Variants in DNAH9 observed in about 807,000 individuals in gnomAD.
DNAH9 encodes DNAH9 variant protein.
A neutral mutation model predicts 471.6 loss-of-function variants in DNAH9; 345 were observed. That is an observed-to-expected ratio of 0.73 (90% CI 0.67 to 0.80). The LOEUF (loss-of-function observed/expected upper bound fraction) is 0.80. Ranked by LOEUF, DNAH9 falls within the 30% of genes least tolerant of loss-of-function variation. DNAH9 has a pLI of 0.00. For missense variants in DNAH9, 5,407 were observed against 5,609.2 expected (o/e 0.96, Z 1.15); for synonymous variants, 2,093 against 2,123.6 (o/e 0.99, Z 0.40).
intron 59 of DNAH9, among the ~76,000 whole-genome samples, chr17:11,894,745 G>A (rs1354409347): frequency 1.3e-5 from 2 of 152,176 alleles, no homozygotes; most frequent in Admixed American, 1.3e-4. Flanking sequence ...AAGTTCCTGT[G>A]AGCTCCCCTA....
At chr17:11,613,929 T>C (rs897229950) in intron 4 of DNAH9, among the ~76,000 whole-genome samples, 3 of 152,240 alleles carry the variant, frequency 2.0e-5, no homozygotes, top group Non-Finnish European at 4.4e-5. Context: ...TAATTATTCA[T>C]ATGAATTAAT....
intron 35 of DNAH9, among the ~76,000 whole-genome samples, chr17:11,758,838 T>C (rs1166540479): frequency 6.6e-6 from 1 of 152,240 alleles, no homozygotes; most frequent in Non-Finnish European, 1.5e-5. Flanking sequence ...TTTGATTTCA[T>C]AGTTTTTCTA....
At chr17:11,700,263 C>A (rs1402786549) in intron 23 of DNAH9, among the ~76,000 whole-genome samples, 1 of 152,178 alleles carries the variant, frequency 6.6e-6, no homozygotes, top group Non-Finnish European at 1.5e-5. Flanking sequence ...CTGACACCCT[C>A]CCTGGGAGAA....
chr17:11,773,731 G>A (rs1439108387), intron 38 of DNAH9, among the ~76,000 whole-genome samples: 1 of 152,196 alleles, frequency 6.6e-6, no homozygotes, highest in Non-Finnish European at 1.5e-5. Flanking sequence ...TTTCAAACAT[G>A]TACAAAAGTA....
At position 11,880,162 on chromosome 17, in the gene DNAH9, G is replaced by C; in HGVS notation, c.10563G>C (p.Leu3521=). The change falls in exon 54 of 69, where the codon CTG becomes CTC. Residue 3521 remains leucine, a synonymous_variant. Coordinates refer to ENST00000262442, the MANE Select transcript of DNAH9 (RefSeq NM_001372.4). The stretch of plus-strand genomic sequence containing the variant: ...TAGAGGAGTCCATTGATCCTGTTCT[G>C]GGACCCCTGCTTGGGAGAGAAGTCA... ...ENLEESIDPV[L]GPLLGREVIK... is the part of the protein sequence containing the mutation. The C allele has an allele frequency of 1.9e-6, 3 of 1,613,938 alleles. No homozygotes were observed. Among genetic ancestry groups the C allele is most frequent in the Non-Finnish European group, 2.5e-6 (3 of 1,179,894 alleles).
intron 28 of DNAH9, among the ~76,000 whole-genome samples, chr17:11,731,346 G>A (rs1208644808): frequency 2.6e-5 from 4 of 151,640 alleles, no homozygotes; most frequent in African/African-American, 7.3e-5. Flanking sequence ...TAGAAGCCGG[G>A]ATACACAGGG....
chr17:11,816,563 AT>A lies in DNAH9; in HGVS notation c.8708-5348del, dbSNP rs1372854861. Among the ~76,000 whole-genome samples, 8 of 152,038 alleles carry A rather than the reference AT, an allele frequency of 5.3e-5. No individual in the cohort carries two copies. In the East Asian group the frequency reaches 1.2e-3, roughly 22 times the overall value. On this transcript the variant is annotated intron_variant, in intron 45 of 68. Coordinates refer to ENST00000262442, the MANE Select transcript of DNAH9 (RefSeq NM_001372.4). ...CGTTTTCTCCTTTAAGAATAGGGAA[AT>A]TTTTTTTTAAACTATCAGGTCTAGA...
At chr17:11,899,691 G>A (rs550353515) in intron 59 of DNAH9, among the ~76,000 whole-genome samples, 47 of 152,176 alleles carry the variant, frequency 3.1e-4, no homozygotes, top group Non-Finnish European at 6.3e-4. Context: ...GACTGCAGAA[G>A]GGTTAATAAT....
chr17:11,924,616 CTTTTTT>C (rs756191140), intron 62 of DNAH9, among the ~76,000 whole-genome samples: 1 of 91,956 alleles, frequency 1.1e-5, no homozygotes, highest in Non-Finnish European at 2.0e-5. Context: ...ACTACTAACT[CTTTTTT>C]TTTTTTTTTT....
At chr17:11,642,167 G>A (rs1440402911) in intron 10 of DNAH9, among the ~76,000 whole-genome samples, 2 of 152,158 alleles carry the variant, frequency 1.3e-5, no homozygotes, top group Non-Finnish European at 2.9e-5. Context: ...CTGGTCCCAA[G>A]AGGCGATCTG....
rs1193246497 is a variant in DNAH9 at position 11,762,770 on chromosome 17, G to GTTTGTTTT, written c.6996-667_6996-666insGTTTTTTT. On this transcript the variant is annotated intron_variant, in intron 35 of 68. Transcript: ENST00000262442. The stretch of plus-strand genomic sequence containing the variant: ...CCTCTTTAGGTGCGTTTTTTTTTTT[G>GTTTGTTTT]TTTTTTTTTTTTTTTTTTTTTTTTT... Among the ~76,000 whole-genome samples, 214 of 90,774 alleles carry GTTTGTTTT rather than the reference G, an allele frequency of 2.4e-3. 19 individuals carry two copies. Among genetic ancestry groups the GTTTGTTTT allele is most frequent in the Middle Eastern group, 7.1e-3 (1 of 140 alleles). 59.6% of individuals were successfully genotyped at this position (90,774 alleles called of 152,430 possible).
intron 8 of DNAH9, among the ~76,000 whole-genome samples, chr17:11,634,199 T>C (rs75660831): frequency 0.02 from 3,062 of 152,272 alleles, 100 homozygotes; most frequent in South Asian, 0.12. Context: ...CCTTGGGAAC[T>C]AGTAGGAAAA....
chr17:11,759,968 G>A (rs775004705), intron 35 of DNAH9, among the ~76,000 whole-genome samples: 1 of 152,116 alleles, frequency 6.6e-6, no homozygotes, highest in African/African-American at 2.4e-5. Flanking sequence ...TTACAGGCGT[G>A]AGCCACCGCA....
At chr17:11,824,317 T>C (rs1479153532) in intron 48 of DNAH9, among the ~76,000 whole-genome samples, 1 of 152,218 alleles carries the variant, frequency 6.6e-6, no homozygotes, top group Admixed American at 6.5e-5. Context: ...TGACTTGTCC[T>C]TTTGCCCCTC....
chr17:11,850,310 T>C (rs975037896), intron 49 of DNAH9, among the ~76,000 whole-genome samples: 1 of 151,960 alleles, frequency 6.6e-6, no homozygotes, highest in Non-Finnish European at 1.5e-5. Flanking sequence ...CAGAGTGGAG[T>C]GGAGCCCAGA....
At position 11,769,921 on chromosome 17, in the gene DNAH9, G is replaced by A. The variant is rs142844423; in HGVS notation, c.7552+592G>A. Reference sequence around the variant, plus strand: ...CTCCCCTTAACTCATTTACGACACAGTCTCCTTTTTTATGGAAACAACACA... The same window carrying A: ...CTCCCCTTAACTCATTTACGACACAATCTCCTTTTTTATGGAAACAACACA... On this transcript the variant is annotated intron_variant, in intron 38 of 68. Coordinates refer to ENST00000262442, the MANE Select transcript of DNAH9 (RefSeq NM_001372.4). Among the ~76,000 whole-genome samples the A allele has an allele frequency of 1.6e-4, 24 of 152,326 alleles. No individual in the cohort carries two copies. In the East Asian group the frequency reaches 3.3e-3, roughly 21 times the overall value.
At chr17:11,884,756 G>C (rs1860985772) in intron 56 of DNAH9, among the ~76,000 whole-genome samples, 1 of 152,098 alleles carries the variant, frequency 6.6e-6, no homozygotes, top group Admixed American at 6.5e-5. Flanking sequence ...AGTTACCTAT[G>C]GCCTCCGTAT....
At chr17:11,762,528 G>GCAAA (rs979971209) in intron 35 of DNAH9, among the ~76,000 whole-genome samples, 1 of 152,126 alleles carries the variant, frequency 6.6e-6, no homozygotes, top group Non-Finnish European at 1.5e-5. Context: ...GATTAAAAGT[G>GCAAA]CAAACACCAG....
At chr17:11,795,775 T>C (rs1399632018) in intron 42 of DNAH9, among the ~76,000 whole-genome samples, 1 of 152,304 alleles carries the variant, frequency 6.6e-6, no homozygotes, top group Non-Finnish European at 1.5e-5. Context: ...AACTTTCAAA[T>C]AGAGTTCCAT....
Sources: allele counts gnomAD v4.1 joint callset (sites outside exome capture counted in the v4.1 genomes callset), GRCh38; gene constraint gnomAD v4.1.1; transcripts MANE v1.5; gene names NCBI Gene and HGNC (gene_info 2026-07-23, HGNC 2026-07-21).